Variants in CEP97 observed in about 807,000 individuals in gnomAD.
CEP97 encodes centrosomal protein of 97 kDa.
A neutral mutation model predicts 73.1 loss-of-function variants in CEP97; 43 were observed. The observed-to-expected ratio is 0.59, with a 90% CI of 0.46 to 0.76. The LOEUF (loss-of-function observed/expected upper bound fraction) is 0.76. CEP97 is among the 30% of genes least tolerant of loss of function. CEP97 has a pLI of 0.00. For synonymous variants in CEP97, 337 were observed against 370.0 expected (o/e 0.91, Z 1.02); for missense variants, 939 against 1,014.0 (o/e 0.93, Z 1.00).
At chr3:101,758,459 G>C (rs779468729) in intron 9 of CEP97, 36 bp downstream of exon 9, 3 of 1,607,584 alleles carry the variant, frequency 1.9e-6, no homozygotes, top group Non-Finnish European at 2.5e-6. Flanking sequence ...CTGTTTTGTT[G>C]GTTTGAGGGT....
At chr3:101,734,541 G>T (rs1241977860) in intron 6 of CEP97, among the ~76,000 whole-genome samples, 3 of 152,102 alleles carry the variant, frequency 2.0e-5, no homozygotes, top group Non-Finnish European at 4.4e-5. Flanking sequence ...CTGCTGTTTT[G>T]TATAGTTTCT....
chr3:101,729,777 C>CA (rs1560007969), intron 4 of CEP97, among the ~76,000 whole-genome samples: 1 of 142,974 alleles, frequency 7.0e-6, no homozygotes, highest in Non-Finnish European at 1.5e-5. Context: ...TTTTTCTTTT[C>CA]TTTTTTTTTT....
At position 101,755,664 on chromosome 3, in the gene CEP97, A is replaced by T. The variant is rs940394141; in HGVS notation, c.893+70A>T. Reference sequence around the variant, plus strand: ...ATACCTCTGAGTCTTTGCTATGGTGATAGTAAGCCTGAGGCAAGTGCTGCG... The same window carrying T: ...ATACCTCTGAGTCTTTGCTATGGTGTTAGTAAGCCTGAGGCAAGTGCTGCG... On this transcript the variant is annotated intron_variant, in intron 7 of 10. Transcript: ENST00000341893. 9 of 1,499,128 alleles carry T rather than the reference A, an allele frequency of 6.0e-6. No individual in the cohort carries two copies. In the African/African-American group the frequency reaches 8.2e-5, roughly 14 times the overall value. The allele number at this position is 1,499,128 out of a possible 1,614,324, so 92.9% of individuals were successfully genotyped here.
intron 2 of CEP97, among the ~76,000 whole-genome samples, chr3:101,726,968 T>G (rs1937911801): frequency 6.6e-6 from 1 of 152,228 alleles, no homozygotes. Context: ...CAAAATACTG[T>G]GTTACTAAGG....
chr3:101,730,213 G>A (rs957498186), intron 4 of CEP97, among the ~76,000 whole-genome samples: 10 of 151,290 alleles, frequency 6.6e-5, no homozygotes, highest in African/African-American at 1.9e-4. Context: ...ATGAGCCACC[G>A]AACTGGCCGA....
At chr3:101,746,993 C>T (rs2107163089) in intron 6 of CEP97, among the ~76,000 whole-genome samples, 1 of 149,932 alleles carries the variant, frequency 6.7e-6, no homozygotes, top group East Asian at 2.0e-4. Flanking sequence ...CATCTCACAC[C>T]AGTTAGAATG....
rs531458475 is a variant in CEP97, at chr3:101,748,932, G to A, written c.729-6498G>A. ...TGGGATTACAGGTGTGAGCCACTGC[G>A]CCCGGCCCATGGAAGGAATACTTCT... On this transcript the variant is annotated intron_variant, in intron 6 of 10. Coordinates refer to ENST00000341893, the MANE Select transcript of CEP97 (RefSeq NM_024548.4). 7.2e-4 allele frequency among the ~76,000 whole-genome samples: 109 copies of A among 152,172 alleles called. No individual in the cohort carries two copies. The Middle Eastern group carries it at 0.01, about 14-fold the overall frequency.
chr3:101,725,159 C>G (rs539077048), intron 1 of CEP97, among the ~76,000 whole-genome samples: 51 of 152,358 alleles, frequency 3.3e-4, no homozygotes, highest in African/African-American at 1.1e-3. Context: ...GCTGCCTAGT[C>G]TGGCTTTGAA....
Position 101,768,969 on chromosome 3 carries a change from C to A in CEP97, c.*3418C>A, listed in dbSNP as rs1001910486. The A allele has an allele frequency of 1.3e-5, 2 of 152,056 alleles. No individual in the cohort carries two copies. Among genetic ancestry groups the A allele is most frequent in the Non-Finnish European group, 2.9e-5 (2 of 68,006 alleles). 9.4% of individuals were successfully genotyped at this position (152,056 alleles called of 1,614,324 possible). On this transcript the variant is annotated 3_prime_UTR_variant, in exon 11 of 11. Coordinates refer to ENST00000341893, the MANE Select transcript of CEP97 (RefSeq NM_024548.4). ...ATGTTCATTTATTTAGTCATATAATCGTTTGTATATATGTAAATAACTTTA... is the reference window on the plus strand; with the variant it reads ...ATGTTCATTTATTTAGTCATATAATAGTTTGTATATATGTAAATAACTTTA...
At chr3:101,744,882 T>C (rs1383940070) in intron 6 of CEP97, among the ~76,000 whole-genome samples, 1 of 152,210 alleles carries the variant, frequency 6.6e-6, no homozygotes, top group Non-Finnish European at 1.5e-5. Context: ...CTGGTTGTTA[T>C]TTGCTAAGAA....
Position 101,757,792 on chromosome 3 carries a change from T to G in CEP97, c.1186T>G (p.Cys396Gly). The G allele has an allele frequency of 6.2e-7, 1 of 1,614,254 alleles. No individual in the cohort carries two copies. The highest frequency in any genetic ancestry group is 1.7e-5 in the Admixed American group (1 of 60,030). ...ACAGACGGATGAGGACAAGTTAAAC[T>G]GTAGTCTTCTCTCTTCAGAGTCTAC... ...DIQTDEDKLN[C>G]SLLSSESTFM... The change falls in exon 9 of 11, where the codon TGT becomes GGT. Residue 396 changes from cysteine to glycine, a missense_variant. Physicochemically the swap from Cys to Gly is radical, Grantham distance 159. Transcript: ENST00000341893.
At position 101,727,469 on chromosome 3, in the gene CEP97, C is replaced by G. The variant is rs757822875; in HGVS notation, c.273C>G (p.Ser91Arg). ...LLRVLNLPHN[S>R]IGCVEGLKEL... is the part of the protein sequence containing the mutation. ...GTGTATTAAATTTGCCTCATAATAG[C>G]ATTGGCTGTGTGGAAGGGCTAAAGG... The change falls in exon 3 of 11, where the codon AGC (serine) becomes AGG (arginine). Residue 91 changes from serine (S) to arginine (R), a missense_variant. Transcript: ENST00000341893. The G allele has an allele frequency of 1.2e-6, 2 of 1,613,758 alleles. No individual in the cohort carries two copies. The highest frequency in any genetic ancestry group is 1.1e-5 in the South Asian group (1 of 91,054).
chr3:101,752,012 A>G (rs1042227050), intron 6 of CEP97, among the ~76,000 whole-genome samples: 1 of 152,020 alleles, frequency 6.6e-6, no homozygotes. Context: ...ATTTGGCATG[A>G]TTTTGCAGTG....
rs1452381073 is a variant in CEP97 at position 101,770,360 on chromosome 3, TAATA to T, written c.*4811_*4814del. 6.6e-6 allele frequency: 1 copy of T among 152,210 alleles called. No homozygotes were observed. The highest frequency in any genetic ancestry group is 1.9e-4 in the East Asian group (1 of 5,204). The allele number at this position is 152,210 out of a possible 1,614,324, so 9.4% of individuals were successfully genotyped here. A position where few individuals can be genotyped will look rare whatever the true frequency, so the allele number is the denominator to read the frequency against. ...TAATTAAATATCTTTGAATGTTTTG[TAATA>T]ATTTTAATGTTGACAATAAGAGTTT... On this transcript the variant is annotated 3_prime_UTR_variant, in exon 11 of 11. Coordinates refer to ENST00000341893, the MANE Select transcript of CEP97 (RefSeq NM_024548.4).
intron 6 of CEP97, among the ~76,000 whole-genome samples, chr3:101,740,620 G>A (rs1213707929): frequency 1.4e-5 from 2 of 147,984 alleles, no homozygotes; most frequent in African/African-American, 5.0e-5. Flanking sequence ...ACGGAGTTTT[G>A]CTCTTGTTGC....
In CEP97 at chr3:101,763,678, T is replaced by C. The variant is rs138159100; in HGVS notation, c.1893+1118T>C. ...AAATTTTGGAATTTTTGTTATACTT[T>C]AGAAATTAGGGGTCATATTATCAAG... is the stretch of plus-strand genomic sequence containing the variant. On this transcript the variant is annotated intron_variant, in intron 10 of 10. Transcript: ENST00000341893. 4.6e-5 allele frequency among the ~76,000 whole-genome samples: 7 copies of C among 152,354 alleles called. No individual in the cohort carries two copies. In the East Asian group the frequency reaches 1.3e-3, roughly 29 times the overall value.
chr3:101,752,588 C>T (rs1198119642), intron 6 of CEP97, among the ~76,000 whole-genome samples: 1 of 152,100 alleles, frequency 6.6e-6, no homozygotes, highest in Non-Finnish European at 1.5e-5. Flanking sequence ...AGGCTTTGTT[C>T]GTTTCTTTTT....
At chr3:101,735,546 G>A (rs1938248519) in intron 6 of CEP97, among the ~76,000 whole-genome samples, 1 of 152,212 alleles carries the variant, frequency 6.6e-6, no homozygotes, top group Non-Finnish European at 1.5e-5. Flanking sequence ...CCCACAGAGG[G>A]TGAGCAGAAG....
At chr3:101,764,040 T>G (rs967211348) in intron 10 of CEP97, among the ~76,000 whole-genome samples, 12 of 152,184 alleles carry the variant, frequency 7.9e-5, no homozygotes, top group Non-Finnish European at 1.5e-4. Flanking sequence ...ACCAGGGACA[T>G]GTACCATTTG....
Sources: gnomAD v4.1 joint callset for allele counts (sites outside exome capture counted in the v4.1 genomes callset) on GRCh38, gnomAD v4.1.1 for gene constraint, MANE v1.5 for transcripts, NCBI Gene and HGNC (gene_info 2026-07-23, HGNC 2026-07-21) for gene names.